LPA: variants seen among roughly 807,000 people sequenced by gnomAD.
LPA encodes the protein lipoprotein(a).
In LPA, 199 loss-of-function variants were observed where a neutral mutation model predicts 197.9. The ratio of observed to expected loss-of-function variants is 1.01; its 90% CI spans 0.90 to 1.13. The LOEUF (loss-of-function observed/expected upper bound fraction) is 1.13, where lower values mean the gene tolerates loss of function less well. LPA is among the 50% of genes most tolerant of loss of function. The pLI, the probability that LPA is intolerant of heterozygous loss-of-function variation, is 0.00. For missense variants in LPA, 1,853 were observed against 1,785.8 expected (o/e 1.04, Z -0.68); for synonymous variants, 715 against 639.5 (o/e 1.12, Z -1.78).
At chr6:160,606,007 G>C (rs1377080876) in intron 17 of LPA, among the ~76,000 whole-genome samples, 1 of 152,178 alleles carries the variant, frequency 6.6e-6, no homozygotes, top group African/African-American at 2.4e-5. Flanking sequence ...CATAGAACCA[G>C]GGTGATTTGG....
At chr6:160,566,559 G>A (rs1030559699) in intron 28 of LPA, among the ~76,000 whole-genome samples, 2 of 152,056 alleles carry the variant, frequency 1.3e-5, no homozygotes, top group Admixed American at 6.6e-5. Flanking sequence ...AAAAACCATC[G>A]ATGCTAGGAA....
intron 28 of LPA, among the ~76,000 whole-genome samples, chr6:160,560,730 G>T (rs569633986): frequency 2.0e-5 from 3 of 150,812 alleles, no homozygotes; most frequent in African/African-American, 7.3e-5. Flanking sequence ...TTCTCCATAG[G>T]TTGCTTTTTC....
intron 18 of LPA, among the ~76,000 whole-genome samples, chr6:160,602,674 G>A (rs1290496276): frequency 6.6e-6 from 1 of 152,206 alleles, no homozygotes; most frequent in Non-Finnish European, 1.5e-5. Flanking sequence ...CAAGCCTGCT[G>A]ATTCCAAATT....
intron 16 of LPA, among the ~76,000 whole-genome samples, chr6:160,606,972 T>A (rs1779369053): frequency 6.6e-6 from 1 of 152,084 alleles, no homozygotes; most frequent in Admixed American, 6.6e-5. Context: ...CCAATCCATC[T>A]CTCTGGAATA....
chr6:160,653,997 T>TATATATTATATATA (rs1180348780), intron 1 of LPA, among the ~76,000 whole-genome samples: 34 of 10,840 alleles, frequency 3.1e-3, no homozygotes, highest in African/African-American at 0.016. Context: ...TAATATATAT[T>TATATATTATATATA]ATATATAATA....
At chr6:160,547,073 G>T (rs991578991) in intron 32 of LPA, among the ~76,000 whole-genome samples, 3 of 152,238 alleles carry the variant, frequency 2.0e-5, no homozygotes, top group Non-Finnish European at 2.9e-5. Context: ...GGGTGAGGGG[G>T]CGATGGTTAA....
rs903295438 is a variant in LPA at position 160,577,035 on chromosome 6, T to C, written c.4631+101A>G. The C allele has an allele frequency of 9.1e-5, 133 of 1,458,350 alleles. 1 individual carries two copies. The highest frequency in any genetic ancestry group is 1.2e-4 in the Non-Finnish European group (124 of 1,042,274). The allele number at this position is 1,458,350 out of a possible 1,614,324, so 90.3% of individuals were successfully genotyped here. On this transcript the variant is annotated intron_variant, in intron 28 of 38. Coordinates refer to ENST00000316300, the MANE Select transcript of LPA (RefSeq NM_005577.4). ...GAGACATTTTGCCAAAATGTGAGTC[T>C]AAGAGAAATTTGTCCCTAGGAAGTG...
intron 33 of LPA, among the ~76,000 whole-genome samples, chr6:160,543,687 T>G (rs1050275031): frequency 1.3e-5 from 2 of 152,266 alleles, no homozygotes; most frequent in African/African-American, 4.8e-5. Flanking sequence ...ACATGCATCA[T>G]TGTACTAAAA....
At chr6:160,591,327 A>G (rs983809481) in intron 22 of LPA, among the ~76,000 whole-genome samples, 5 of 152,234 alleles carry the variant, frequency 3.3e-5, no homozygotes, top group South Asian at 2.1e-4. Context: ...TCTATACTCC[A>G]TAAGAAAACC....
At position 160,606,635 on chromosome 6, in the gene LPA, C is replaced by T. The variant is rs558138162; in HGVS notation, c.2627G>A (p.Arg876Lys). 9.3e-6 allele frequency: 15 copies of T among 1,614,020 alleles called. No homozygotes were observed. In the South Asian group the frequency reaches 1.3e-4, roughly 14 times the overall value. ...PNAGLIMNYC[R>K]NPDPVAAPYC... ...AGGGGCTGCCACAGGATCTGGATTC[C>T]TGCAGTAGTTCATGATCAAGCCACT... Residue 876 changes from arginine (R) to lysine (K), a missense_variant, in exon 17 of 39, where the codon AGG becomes AAG. Arg to Lys is a conservative substitution (Grantham distance 26). Around this residue, in one of 3 missense-constraint regions of LPA, gnomAD observed 1,737 missense variants for 1,504.4 expected, o/e 1.15. Transcript: ENST00000316300.
intron 28 of LPA, among the ~76,000 whole-genome samples, chr6:160,566,503 G>A (rs576274320): frequency 6.6e-6 from 1 of 152,282 alleles, no homozygotes; most frequent in East Asian, 1.9e-4. Context: ...ACTAAACATG[G>A]AAAGAAACAA....
chr6:160,576,367 CAT>C (rs1158223888), intron 28 of LPA, among the ~76,000 whole-genome samples: 35,981 of 77,536 alleles, frequency 0.46, 8,089 homozygotes, highest in East Asian at 0.64. Flanking sequence ...TATATATATA[CAT>C]ATATATATAT....
chr6:160,650,117 G>T (rs925812047), intron 2 of LPA, among the ~76,000 whole-genome samples: 1 of 152,098 alleles, frequency 6.6e-6, no homozygotes, highest in African/African-American at 2.4e-5. Context: ...CCTCACCACC[G>T]CCAGATATTC....
Position 160,586,624 on chromosome 6 carries a change from C to G in LPA, c.3954G>C (p.Leu1318=). The G allele has an allele frequency of 6.2e-7, 1 of 1,613,654 alleles. No individual in the cohort carries two copies. Among genetic ancestry groups the G allele is most frequent in the East Asian group, 2.2e-5 (1 of 44,844 alleles). ...CTGGATTCCTGCAGTAGTTCCTGGT[C>G]AGGCCACTGCAAATTCCAAAACAAT... is the stretch of plus-strand genomic sequence containing the variant. ...RTTEYYPNGG[L]TRNYCRNPDA... is the part of the protein sequence containing the mutation. Residue 1318 remains leucine, a synonymous_variant, in exon 25 of 39, where the codon CTG becomes CTC. Transcript: ENST00000316300.
intron 28 of LPA, among the ~76,000 whole-genome samples, chr6:160,559,808 T>C (rs540176896): frequency 6.0e-4 from 91 of 152,308 alleles, no homozygotes; most frequent in African/African-American, 2.1e-3. Flanking sequence ...ATTATTATTA[T>C]ACTTTAAGTT....
intron 23 of LPA, among the ~76,000 whole-genome samples, chr6:160,589,956 A>G (rs559667624): frequency 6.6e-6 from 1 of 152,346 alleles, no homozygotes; most frequent in South Asian, 2.1e-4. Flanking sequence ...CAGAGTGCCT[A>G]TCAGTCAAAA....
At chr6:160,578,176 GA>G (rs1464905827) in intron 27 of LPA, among the ~76,000 whole-genome samples, 1 of 152,142 alleles carries the variant, frequency 6.6e-6, no homozygotes, top group African/African-American at 2.4e-5. Context: ...TAAATCACTG[GA>G]AAGGCTTATT....
intron 26 of LPA, among the ~76,000 whole-genome samples, chr6:160,579,163 C>G (rs1416683540): frequency 1.3e-5 from 2 of 151,970 alleles, no homozygotes; most frequent in Non-Finnish European, 2.9e-5. Flanking sequence ...TACATTTCCC[C>G]AAGGAAGAAG....
At chr6:160,575,133 A>G (rs1778632111) in intron 28 of LPA, among the ~76,000 whole-genome samples, 1 of 152,204 alleles carries the variant, frequency 6.6e-6, no homozygotes, top group African/African-American at 2.4e-5. Flanking sequence ...AGTAAATCAT[A>G]CATTTTTACT....
Sources: gnomAD v4.1 joint callset for allele counts (sites outside exome capture counted in the v4.1 genomes callset) on GRCh38, gnomAD v4.1.1 for gene constraint, gnomAD v4.1.1 regional missense constraint, MANE v1.5 for transcripts, NCBI Gene and HGNC (gene_info 2026-07-23, HGNC 2026-07-21) for gene names.